RBM6: variants seen among roughly 807,000 people sequenced by gnomAD.
RBM6 encodes the protein RNA binding motif protein 6.
In RBM6, 23 loss-of-function variants were observed where a neutral mutation model predicts 140.4. That is an observed-to-expected ratio of 0.16 (90% CI 0.12 to 0.23). The LOEUF is 0.23. Among genes scored for constraint, RBM6 ranks in the 10% least tolerant of loss-of-function variants. The probability of loss-of-function intolerance (pLI) is 1.00; values close to 1 mark genes in which losing one functional copy is unlikely to be tolerated. For synonymous variants in RBM6, 439 were observed against 475.6 expected (o/e 0.92, Z 1.00); for missense variants, 1,139 against 1,386.7 (o/e 0.82, Z 2.84).
In RBM6 at chr3:50,014,341, T is replaced by C. The variant is rs547065301; in HGVS notation, c.1557+14828T>C. Among the ~76,000 whole-genome samples, 8 of 152,194 alleles carry C rather than the reference T, an allele frequency of 5.3e-5. No homozygotes were observed. In the South Asian group the frequency reaches 1.7e-3, roughly 32 times the overall value. ...GGACCAGAATAAGTTCTTTAAATAA[T>C]CAAAGGTAATAAACATTCTTAAAAT... On this transcript the variant is annotated intron_variant, in intron 6 of 20. Transcript: ENST00000266022.
chr3:50,067,442 C>T (rs1178526075), intron 17 of RBM6, among the ~76,000 whole-genome samples: 3 of 152,176 alleles, frequency 2.0e-5, no homozygotes, highest in African/African-American at 4.8e-5. Context: ...CTGGGTTTCT[C>T]ATCTTAGCTG....
intron 16 of RBM6, 107 bp downstream of exon 16, chr3:50,065,233 C>T (rs2090083123): frequency 3.9e-6 from 3 of 766,646 alleles, no homozygotes; most frequent in Admixed American, 5.2e-5. Flanking sequence ...GGTCTTTTAC[C>T]TCACTATGTC....
intron 5 of RBM6, among the ~76,000 whole-genome samples, chr3:49,989,335 G>A (rs566227253): frequency 6.6e-6 from 1 of 152,290 alleles, no homozygotes; most frequent in East Asian, 1.9e-4. Context: ...AGCACTTTGG[G>A]AGGCCGAGGC....
rs1306803156 is a variant in RBM6, at chr3:49,986,589, C to T, written c.1483+11197C>T. On this transcript the variant is annotated intron_variant, in intron 5 of 20. Transcript: ENST00000266022. ...CAGCCTGGGCAACAGAGCAAGACTC[C>T]GTCTCAAAAAAAAAAAAAAACAAAA... Among the ~76,000 whole-genome samples, 6 of 129,510 alleles carry T rather than the reference C, an allele frequency of 4.6e-5. No individual in the cohort carries two copies. In the South Asian group the frequency reaches 7.1e-4, roughly 15 times the overall value. 85.0% of individuals were successfully genotyped at this position (129,510 alleles called of 152,430 possible).
At chr3:49,971,935 ATTT>A (rs2084811361) in intron 3 of RBM6, 121 bp from the exon 4 acceptor site, 3 of 693,716 alleles carry the variant, frequency 4.3e-6, no homozygotes, top group Non-Finnish European at 7.4e-6. Context: ...GAAAATTGTA[ATTT>A]TTTATATCTT....
intron 8 of RBM6, among the ~76,000 whole-genome samples, chr3:50,056,853 C>T (rs2089722893): frequency 6.6e-6 from 1 of 152,158 alleles, no homozygotes; most frequent in Admixed American, 6.5e-5. Flanking sequence ...TTTTGAAGGA[C>T]GTCTGCCCAT....
intron 2 of RBM6, among the ~76,000 whole-genome samples, chr3:49,965,007 A>C (rs1281499032): frequency 1.3e-5 from 2 of 152,210 alleles, no homozygotes; most frequent in Non-Finnish European, 2.9e-5. Flanking sequence ...TGATTTTGTT[A>C]CATTTCCTTT....
intron 3 of RBM6, 150 bp from the exon 4 acceptor site, chr3:49,971,909 C>T: frequency 1.7e-6 from 1 of 604,158 alleles, no homozygotes; most frequent in Admixed American, 3.2e-5. Flanking sequence ...CACATTCTGG[C>T]ACTCAGAACA....
chr3:49,963,853 A>C (rs1000157933), intron 2 of RBM6, among the ~76,000 whole-genome samples: 6 of 152,160 alleles, frequency 3.9e-5, no homozygotes, highest in African/African-American at 1.2e-4. Flanking sequence ...GTATGCATTC[A>C]TAAGTATTGT....
intron 1 of RBM6, among the ~76,000 whole-genome samples, chr3:49,951,385 G>T (rs2083721741): frequency 6.6e-6 from 1 of 150,912 alleles, no homozygotes. Flanking sequence ...GCTGATTTGT[G>T]TGTGTGTATA....
intron 6 of RBM6, among the ~76,000 whole-genome samples, chr3:50,040,471 AATATATATATAT>A (rs869038826): frequency 3.0e-5 from 1 of 33,516 alleles, no homozygotes; most frequent in East Asian, 5.1e-4. Context: ...AAAAAAAAAA[AATATATATATAT>A]ATATATATAT....
intron 6 of RBM6, among the ~76,000 whole-genome samples, chr3:50,035,039 C>T (rs2088441537): frequency 6.9e-6 from 1 of 145,564 alleles, no homozygotes; most frequent in Non-Finnish European, 1.5e-5. Context: ...CTCCCCTCCC[C>T]TCTCCTCCCC....
chr3:49,947,708 G>A (rs926314547), intron 1 of RBM6, among the ~76,000 whole-genome samples: 2 of 151,858 alleles, frequency 1.3e-5, no homozygotes, highest in Admixed American at 6.6e-5. Flanking sequence ...TAGCGCTTAC[G>A]TTTGGGTCTT....
intron 10 of RBM6, 78 bp from the exon 11 acceptor site, chr3:50,059,571 C>G: frequency 1.7e-6 from 2 of 1,193,512 alleles, no homozygotes; most frequent in South Asian, 2.8e-5. Context: ...ACGTTCACTT[C>G]TCTTTCAAAG....
At chr3:50,059,105 A>G (rs1218361637) in intron 10 of RBM6, among the ~76,000 whole-genome samples, 4 of 152,112 alleles carry the variant, frequency 2.6e-5, no homozygotes, top group South Asian at 2.1e-4. Flanking sequence ...ACTGTTTCCA[A>G]CTTACTCGCT....
chr3:49,988,781 G>C (rs1327729062), intron 5 of RBM6, among the ~76,000 whole-genome samples: 1 of 152,064 alleles, frequency 6.6e-6, no homozygotes, highest in African/African-American at 2.4e-5. Flanking sequence ...ACCAGCCTGG[G>C]CAACATGGCA....
chr3:50,060,165 C>CA (rs2089878757), intron 11 of RBM6, among the ~76,000 whole-genome samples: 1 of 151,972 alleles, frequency 6.6e-6, no homozygotes, highest in Admixed American at 6.6e-5. Context: ...TATCTCTTAA[C>CA]AAAAAAATGA....
chr3:50,041,082 G>A (rs961513595), intron 6 of RBM6, among the ~76,000 whole-genome samples: 9 of 152,178 alleles, frequency 5.9e-5, no homozygotes, highest in East Asian at 1.9e-4. Flanking sequence ...TGTTGCTGGC[G>A]TCATATAGTC....
chr3:50,011,674 G>C (rs922757777), intron 6 of RBM6, among the ~76,000 whole-genome samples: 1 of 152,092 alleles, frequency 6.6e-6, no homozygotes. Context: ...TTAGTATACA[G>C]AGAGTTGTAG....
Sources: gnomAD v4.1 joint callset for allele counts (sites outside exome capture counted in the v4.1 genomes callset) on GRCh38, gnomAD v4.1.1 for gene constraint, MANE v1.5 for transcripts, NCBI Gene and HGNC (gene_info 2026-07-23, HGNC 2026-07-21) for gene names.